The following PRKG1 variants were observed in gnomAD, a reference collection of about 807,000 sequenced individuals.
The protein encoded by PRKG1 is cGMP-dependent protein kinase 1.
In PRKG1, 35 loss-of-function variants were observed where a neutral mutation model predicts 88.1. The ratio of observed to expected loss-of-function variants is 0.40; its 90% CI spans 0.30 to 0.53. PRKG1 has a LOEUF of 0.53. Ranked by LOEUF, PRKG1 falls within the 20% of genes least tolerant of loss-of-function variation. The probability of loss-of-function intolerance (pLI) is 0.59; values close to 1 mark genes in which losing one functional copy is unlikely to be tolerated. For synonymous variants in PRKG1, 303 were observed against 292.5 expected (o/e 1.04, Z -0.37); for missense variants, 540 against 839.8 (o/e 0.64, Z 4.41).
At chr10:52,097,722 C>T (rs1442192376) in intron 7 of PRKG1, among the ~76,000 whole-genome samples, 1 of 150,980 alleles carries the variant, frequency 6.6e-6, no homozygotes, top group African/African-American at 2.4e-5. Context: ...CATCCTAAAG[C>T]TAATTATTTT....
intron 3 of PRKG1, among the ~76,000 whole-genome samples, chr10:51,692,574 T>C (rs911940497): frequency 6.6e-6 from 1 of 152,182 alleles, no homozygotes; most frequent in African/African-American, 2.4e-5. Flanking sequence ...TTGGCACTCA[T>C]TTTAAATGTT....
chr10:51,180,082 T>C (rs1460349066), intron 2 of PRKG1, among the ~76,000 whole-genome samples: 1 of 152,214 alleles, frequency 6.6e-6, no homozygotes. Flanking sequence ...TTGACAAGGT[T>C]TTAATGTGTT....
chr10:51,011,426 A>C (rs1842992679), intron 1 of PRKG1, among the ~76,000 whole-genome samples: 1 of 152,162 alleles, frequency 6.6e-6, no homozygotes, highest in Non-Finnish European at 1.5e-5. Flanking sequence ...CACCAAACAA[A>C]ATAAAAAAAA....
At chr10:51,251,171 C>T (rs1028177157) in intron 2 of PRKG1, among the ~76,000 whole-genome samples, 1 of 151,694 alleles carries the variant, frequency 6.6e-6, no homozygotes, top group South Asian at 2.1e-4. Flanking sequence ...GCATTGCTTC[C>T]TTTTCCTATT....
intron 2 of PRKG1, among the ~76,000 whole-genome samples, chr10:51,214,642 A>AT (rs112556414): frequency 0.02 from 2,967 of 151,732 alleles, 39 homozygotes; most frequent in Middle Eastern, 0.045. Context: ...ACCCCCAGCT[A>AT]TATTTTTTTT....
intron 3 of PRKG1, among the ~76,000 whole-genome samples, chr10:51,683,305 G>A (rs980358362): frequency 6.6e-6 from 1 of 151,468 alleles, no homozygotes; most frequent in African/African-American, 2.4e-5. Flanking sequence ...CTGCAAGGGA[G>A]TGAGGCTCTG....
At chr10:51,911,884 T>C (rs1842224696) in intron 5 of PRKG1, among the ~76,000 whole-genome samples, 1 of 152,234 alleles carries the variant, frequency 6.6e-6, no homozygotes, top group Non-Finnish European at 1.5e-5. Context: ...ATTAAAGCCT[T>C]CAACAAAGAA....
At chr10:51,328,372 T>A (rs936947492) in intron 2 of PRKG1, among the ~76,000 whole-genome samples, 1 of 152,254 alleles carries the variant, frequency 6.6e-6, no homozygotes, top group African/African-American at 2.4e-5. Flanking sequence ...CTGTATCCAT[T>A]CATCCACTGA....
intron 5 of PRKG1, among the ~76,000 whole-genome samples, chr10:51,912,192 G>C (rs1842233232): frequency 6.6e-6 from 1 of 152,204 alleles, no homozygotes; most frequent in African/African-American, 2.4e-5. Context: ...GAATGAGTTT[G>C]CTGCTCTTAA....
At chr10:51,630,729 T>C (rs1371559198) in intron 3 of PRKG1, among the ~76,000 whole-genome samples, 1 of 152,206 alleles carries the variant, frequency 6.6e-6, no homozygotes, top group African/African-American at 2.4e-5. Flanking sequence ...CGTCTAGTTA[T>C]GTTGCTAGCC....
chr10:51,689,257 T>TATCTATCTATC (rs1204995009), intron 3 of PRKG1, among the ~76,000 whole-genome samples: 34 of 152,046 alleles, frequency 2.2e-4, no homozygotes, highest in African/African-American at 8.0e-4. Flanking sequence ...TCTATCTATC[T>TATCTATCTATC]ATCTATCTAT....
intron 5 of PRKG1, among the ~76,000 whole-genome samples, chr10:52,026,052 A>G (rs563447267): frequency 6.6e-6 from 1 of 151,982 alleles, no homozygotes; most frequent in Non-Finnish European, 1.5e-5. Flanking sequence ...AACCTGACAA[A>G]AACAAGCAAT....
chr10:51,563,842 G>A (rs1325080116), intron 3 of PRKG1, among the ~76,000 whole-genome samples: 7 of 152,056 alleles, frequency 4.6e-5, no homozygotes, highest in Admixed American at 4.6e-4. Context: ...GGAATAGCTT[G>A]GTATTTATCA....
At chr10:51,253,455 A>G (rs78998038) in intron 2 of PRKG1, among the ~76,000 whole-genome samples, 9,743 of 151,956 alleles carry the variant, frequency 0.064, 385 homozygotes, top group Middle Eastern at 0.1. Context: ...TTTCCCCCCA[A>G]TAGACATCCC....
intron 2 of PRKG1, among the ~76,000 whole-genome samples, chr10:51,396,397 A>G (rs573373659): frequency 3.8e-4 from 57 of 150,712 alleles, no homozygotes; most frequent in Non-Finnish European, 6.2e-4. Flanking sequence ...CTGTCACTGA[A>G]AAAAAAAAAG....
At chr10:52,041,349 T>G (rs1415370817) in intron 5 of PRKG1, among the ~76,000 whole-genome samples, 1 of 152,234 alleles carries the variant, frequency 6.6e-6, no homozygotes, top group Non-Finnish European at 1.5e-5. Flanking sequence ...GTGAATTATT[T>G]TTAAAGTGCT....
chr10:51,089,622 C>G (rs968580548), intron 1 of PRKG1, among the ~76,000 whole-genome samples: 1 of 152,140 alleles, frequency 6.6e-6, no homozygotes, highest in African/African-American at 2.4e-5. Flanking sequence ...TAGTCATATG[C>G]TTATGTGAGT....
intron 5 of PRKG1, among the ~76,000 whole-genome samples, chr10:52,029,347 T>A (rs145932285): frequency 6.6e-6 from 1 of 152,036 alleles, no homozygotes; most frequent in African/African-American, 2.4e-5. Flanking sequence ...TCCACCAAGC[T>A]CACAGTAAAC....
chr10:51,489,701 G>A (rs1180199984), intron 3 of PRKG1, among the ~76,000 whole-genome samples: 1 of 152,156 alleles, frequency 6.6e-6, no homozygotes, highest in Non-Finnish European at 1.5e-5. Context: ...AAGCAATGTG[G>A]AGAATAAATT....
Sources: gnomAD v4.1 joint callset for allele counts (sites outside exome capture counted in the v4.1 genomes callset) on GRCh38, gnomAD v4.1.1 for gene constraint, MANE v1.5 for transcripts, NCBI Gene and HGNC (gene_info 2026-07-23, HGNC 2026-07-21) for gene names.